Variants in NSUN4 observed in about 807,000 individuals in gnomAD.
The protein encoded by NSUN4 is 5-cytosine rRNA methyltransferase NSUN4.
In NSUN4, 31 loss-of-function variants were observed where a neutral mutation model predicts 43.8. That is an observed-to-expected ratio of 0.71 (90% CI 0.53 to 0.96). The LOEUF is 0.96. NSUN4 is among the 40% of genes least tolerant of loss of function. The pLI, the probability that NSUN4 is intolerant of heterozygous loss-of-function variation, is 0.00. For synonymous variants in NSUN4, 167 were observed against 184.1 expected (o/e 0.91, Z 0.75); for missense variants, 439 against 475.6 (o/e 0.92, Z 0.72).
chr1:46,378,033 C>G, the NSUN4 span, among the ~76,000 whole-genome samples: 2 of 152,002 alleles, frequency 1.3e-5, no homozygotes, highest in African/African-American at 4.8e-5. Flanking sequence ...TGTAGGTGTC[C>G]ATGTTACAGA....
chr1:46,348,127 G>A (rs1042350959), intron 3 of NSUN4, among the ~76,000 whole-genome samples: 8 of 152,040 alleles, frequency 5.3e-5, no homozygotes, highest in African/African-American at 1.7e-4. Flanking sequence ...TGATCTGCCC[G>A]CCTAGGCCTC....
chr1:46,344,033 C>T, intron 1 of NSUN4: 1 of 361,492 alleles, frequency 2.8e-6, no homozygotes, highest in Non-Finnish European at 4.9e-6. Flanking sequence ...CTATAGCAAG[C>T]ATCCCAGCTG....
At chr1:46,377,362 A>G in the NSUN4 span, among the ~76,000 whole-genome samples, 1 of 152,204 alleles carries the variant, frequency 6.6e-6, no homozygotes, top group African/African-American at 2.4e-5. Flanking sequence ...AGTTCTTTAA[A>G]TAATAATAGA....
chr1:46,354,486 A>G (rs774429107), intron 4 of NSUN4, among the ~76,000 whole-genome samples: 1 of 152,172 alleles, frequency 6.6e-6, no homozygotes, highest in Non-Finnish European at 1.5e-5. Flanking sequence ...CTAAAAATAT[A>G]TAAAATATAT....
At chr1:46,375,804 G>A in the NSUN4 span, among the ~76,000 whole-genome samples, 3 of 148,902 alleles carry the variant, frequency 2.0e-5, no homozygotes, top group South Asian at 2.1e-4. Context: ...TAAAAGAATA[G>A]TAGTAAATAG....
chr1:46,354,336 C>T (rs1663218824), intron 4 of NSUN4, among the ~76,000 whole-genome samples: 1 of 152,018 alleles, frequency 6.6e-6, no homozygotes, highest in South Asian at 2.1e-4. Flanking sequence ...TGGGCTTGAG[C>T]AGTCCTCCCA....
chr1:46,343,801 G>A, intron 1 of NSUN4: 1 of 400,330 alleles, frequency 2.5e-6, no homozygotes, highest in Non-Finnish European at 4.4e-6. Context: ...AAGAGTCTAT[G>A]ATGGCAAAAG....
chr1:46,346,741 T>A (rs1662533914), intron 2 of NSUN4, among the ~76,000 whole-genome samples, 180 bp from the exon 3 acceptor site: 1 of 151,992 alleles, frequency 6.6e-6, no homozygotes, highest in African/African-American at 2.4e-5. Context: ...AATCAGTAAA[T>A]AAATAATCAT....
chr1:46,352,139 C>G (rs1265080480), intron 3 of NSUN4, among the ~76,000 whole-genome samples: 1 of 145,904 alleles, frequency 6.9e-6, no homozygotes, highest in Non-Finnish European at 1.5e-5. Flanking sequence ...ACTCAGAGAC[C>G]CTGTCTTTAA....
intron 4 of NSUN4, among the ~76,000 whole-genome samples, chr1:46,353,411 A>C (rs572907311): frequency 3.3e-4 from 50 of 152,270 alleles, no homozygotes; most frequent in African/African-American, 1.2e-3. Flanking sequence ...AAGAGTATCC[A>C]ATGAAAAGTG....
At chr1:46,371,135 A>ATT in the NSUN4 span, among the ~76,000 whole-genome samples, 651 of 131,116 alleles carry the variant, frequency 5.0e-3, 5 homozygotes, top group African/African-American at 0.017. Context: ...TGCCACCTTG[A>ATT]TTTTTTTTTT....
chr1:46,343,654 C>A (rs1662280811), intron 1 of NSUN4: 7 of 399,538 alleles, frequency 1.8e-5, no homozygotes. Context: ...AAAAGCAGTC[C>A]CTATCCTAGC....
At chr1:46,342,374 C>G in intron 1 of NSUN4, 1 of 399,236 alleles carries the variant, frequency 2.5e-6, no homozygotes, top group Non-Finnish European at 4.4e-6. Flanking sequence ...GCTCTCCCAG[C>G]TCACCTCAGG....
the NSUN4 span, among the ~76,000 whole-genome samples, chr1:46,380,954 T>C: frequency 1.3e-5 from 2 of 152,206 alleles, no homozygotes; most frequent in African/African-American, 4.8e-5. Context: ...ATTCATATAA[T>C]AGTACCAGAG....
chr1:46,347,803 T>G (rs926874370), intron 3 of NSUN4, among the ~76,000 whole-genome samples: 1 of 152,284 alleles, frequency 6.6e-6, no homozygotes, highest in African/African-American at 2.4e-5. Flanking sequence ...TTTGCTCTTG[T>G]TAAATTTTCT....
rs1209502947 is a variant in NSUN4, at chr1:46,344,850, TTGACA to T, written c.148_152del (p.Met50LeufsTer28). 6.2e-7 allele frequency: 1 copy of T among 1,614,216 alleles called. No homozygotes were observed. The highest frequency in any genetic ancestry group is 8.5e-7 in the Non-Finnish European group (1 of 1,180,034). On this transcript the variant is annotated frameshift_variant, in exon 2 of 6. Coordinates refer to ENST00000474844, the MANE Select transcript of NSUN4 (RefSeq NM_199044.4). LOFTEE classifies it high-confidence loss of function. ...GCTGTTCGACTGGCTTTGCAGAATT[TTGACA>T]TGACTTACAGTGTGCAGTTTGGAGA...
At chr1:46,367,621 C>T (rs1332748859), downstream of NSUN4, among the ~76,000 whole-genome samples, 1 of 152,104 alleles carries the variant, frequency 6.6e-6, no homozygotes, top group Non-Finnish European at 1.5e-5. Flanking sequence ...TTTTATTGAA[C>T]AGTACTGCTC....
chr1:46,360,829 G>A lies in NSUN4; in HGVS notation c.878+1G>A, dbSNP rs142333016. 296 of 1,613,562 alleles carry A rather than the reference G, an allele frequency of 1.8e-4. No homozygotes were observed. The highest frequency in any genetic ancestry group is 1.2e-3 in the South Asian group (110 of 91,060). ...CTGTGCTGCAAGTGCAGCTTCTTGCGTGAGTGACAGATTTTTAAACTCAGG... is the reference window on the plus strand; with the variant it reads ...CTGTGCTGCAAGTGCAGCTTCTTGCATGAGTGACAGATTTTTAAACTCAGG... On this transcript the variant is annotated splice_donor_variant, in intron 5 of 5. Transcript: ENST00000474844. LOFTEE classifies it high-confidence loss of function.
intron 3 of NSUN4, among the ~76,000 whole-genome samples, chr1:46,352,394 G>C (rs1663064726): frequency 6.6e-6 from 1 of 151,944 alleles, no homozygotes; most frequent in African/African-American, 2.4e-5. Context: ...GGAGGTTGCA[G>C]TGAGCTGAGA....
Sources: allele counts gnomAD v4.1 joint callset (sites outside exome capture counted in the v4.1 genomes callset), GRCh38; gene constraint gnomAD v4.1.1; transcripts MANE v1.5; gene names NCBI Gene and HGNC (gene_info 2026-07-23, HGNC 2026-07-21).